The following DACH1 variants were observed in gnomAD, a reference collection of about 807,000 sequenced individuals.
The protein encoded by DACH1 is dachshund homolog 1.
DACH1 carries 12 observed loss-of-function variants against 54.2 expected under a neutral mutation model. The ratio of observed to expected loss-of-function variants is 0.22; its 90% CI spans 0.14 to 0.36. The LOEUF (loss-of-function observed/expected upper bound fraction) is 0.36. Among genes scored for constraint, DACH1 ranks in the 10% least tolerant of loss-of-function variants. The probability of loss-of-function intolerance (pLI) is 1.00; values close to 1 mark genes in which losing one functional copy is unlikely to be tolerated. For missense variants in DACH1, 805 were observed against 929.8 expected, an observed-to-expected ratio of 0.87 and a Z score of 1.75; for synonymous variants, 386 against 366.2, an observed-to-expected ratio of 1.05 and a Z score of -0.62.
chr13:71,738,225 A>G (rs1359188385), intron 1 of DACH1, among the ~76,000 whole-genome samples: 2 of 152,176 alleles, frequency 1.3e-5, no homozygotes, highest in Non-Finnish European at 2.9e-5. Flanking sequence ...CTCCACCAAT[A>G]GAGAGTAGCA....
chr13:71,566,334 T>C (rs1180333820), intron 4 of DACH1, among the ~76,000 whole-genome samples: 3 of 152,152 alleles, frequency 2.0e-5, no homozygotes, highest in African/African-American at 7.2e-5. Context: ...GCTTCTATAA[T>C]GAGCATAATG....
chr13:71,822,469 CT>C, intron 1 of DACH1, among the ~76,000 whole-genome samples: 1 of 152,124 alleles, frequency 6.6e-6, no homozygotes, highest in Admixed American at 6.5e-5. Context: ...TCTCATCATT[CT>C]TGTGTATCTC....
intron 1 of DACH1, among the ~76,000 whole-genome samples, chr13:71,795,851 A>G (rs1234446179): frequency 2.6e-5 from 4 of 152,320 alleles, no homozygotes; most frequent in African/African-American, 7.2e-5. Context: ...ATGCATGTAC[A>G]TAGCTTGGCG....
At chr13:71,745,163 GTCTC>G (rs1190061607) in intron 1 of DACH1, among the ~76,000 whole-genome samples, 1 of 151,946 alleles carries the variant, frequency 6.6e-6, no homozygotes, top group South Asian at 2.1e-4. Flanking sequence ...TTCAAAATAA[GTCTC>G]TCTGTCTACT....
chr13:71,522,575 T>C (rs1228759542), intron 6 of DACH1, among the ~76,000 whole-genome samples: 1 of 152,056 alleles, frequency 6.6e-6, no homozygotes, highest in Non-Finnish European at 1.5e-5. Flanking sequence ...AGTGCATACA[T>C]GTTGATTTCT....
chr13:71,834,900 A>G (rs1339942609), intron 1 of DACH1, among the ~76,000 whole-genome samples: 1 of 151,980 alleles, frequency 6.6e-6, no homozygotes, highest in Non-Finnish European at 1.5e-5. Context: ...TTGCATTTTT[A>G]CCTCTGCTTT....
intron 1 of DACH1, among the ~76,000 whole-genome samples, chr13:71,814,406 A>G (rs1887832786): frequency 6.6e-6 from 1 of 152,246 alleles, no homozygotes; most frequent in South Asian, 2.1e-4. Flanking sequence ...TGCTGCATGT[A>G]TAGTTGTAAC....
intron 6 of DACH1, among the ~76,000 whole-genome samples, chr13:71,529,327 T>C (rs1463896211): frequency 6.6e-6 from 1 of 151,632 alleles, no homozygotes; most frequent in Non-Finnish European, 1.5e-5. Flanking sequence ...GCTGGGACTG[T>C]GGGCGCTTGA....
intron 1 of DACH1, among the ~76,000 whole-genome samples, chr13:71,805,805 T>C (rs920924494): frequency 6.6e-6 from 1 of 152,058 alleles, no homozygotes; most frequent in Non-Finnish European, 1.5e-5. Context: ...TAATATTCAT[T>C]TGAATTCTTT....
chr13:71,497,859 GACACACAC>G (rs6145114), intron 6 of DACH1, among the ~76,000 whole-genome samples: 96,591 of 146,210 alleles, frequency 0.66, 33,346 homozygotes, highest in Non-Finnish European at 0.77. Context: ...AATATGTGTT[GACACACAC>G]ACACACACAC....
At chr13:71,625,136 C>A (rs1157095144) in intron 3 of DACH1, among the ~76,000 whole-genome samples, 1 of 151,912 alleles carries the variant, frequency 6.6e-6, no homozygotes, top group African/African-American at 2.4e-5. Flanking sequence ...TAACAGAAAC[C>A]AAATGACTAC....
chr13:71,560,928 T>C (rs1265803796), intron 4 of DACH1, among the ~76,000 whole-genome samples: 1 of 152,206 alleles, frequency 6.6e-6, no homozygotes, highest in Non-Finnish European at 1.5e-5. Context: ...TGTAGATGTA[T>C]AATGTACTTA....
At chr13:71,489,364 A>G (rs1232151680) in intron 6 of DACH1, among the ~76,000 whole-genome samples, 7 of 152,174 alleles carry the variant, frequency 4.6e-5, no homozygotes, top group Non-Finnish European at 1.0e-4. Flanking sequence ...TTTTAAATGC[A>G]GTCTCTAATG....
intron 1 of DACH1, among the ~76,000 whole-genome samples, chr13:71,778,133 A>T (rs895774434): frequency 6.7e-6 from 1 of 148,316 alleles, no homozygotes; most frequent in African/African-American, 2.6e-5. Context: ...TAAATAAATA[A>T]ATAAATAAAA....
At chr13:71,547,927 G>A (rs1253290477) in intron 6 of DACH1, among the ~76,000 whole-genome samples, 2 of 152,034 alleles carry the variant, frequency 1.3e-5, no homozygotes, top group Non-Finnish European at 2.9e-5. Flanking sequence ...AACAACAGGG[G>A]TGTTACTCTG....
At chr13:71,549,801 T>C (rs914445070) in intron 6 of DACH1, among the ~76,000 whole-genome samples, 3 of 152,272 alleles carry the variant, frequency 2.0e-5, no homozygotes, top group African/African-American at 2.4e-5. Flanking sequence ...TCTTGTTTGA[T>C]TTCTAACCCA....
At chr13:71,492,752 T>C (rs925802725) in intron 6 of DACH1, among the ~76,000 whole-genome samples, 2 of 151,840 alleles carry the variant, frequency 1.3e-5, no homozygotes, top group Admixed American at 6.6e-5. Context: ...AGTGTGTGTG[T>C]GTGTGTGTGA....
intron 3 of DACH1, among the ~76,000 whole-genome samples, chr13:71,594,931 T>C (rs907299582): frequency 2.0e-5 from 3 of 152,172 alleles, no homozygotes; most frequent in Non-Finnish European, 2.9e-5. Context: ...CTAGTAATTA[T>C]ATACTAGTTA....
intron 6 of DACH1, among the ~76,000 whole-genome samples, chr13:71,496,058 C>T (rs964231321): frequency 3.3e-5 from 5 of 151,502 alleles, no homozygotes; most frequent in African/African-American, 1.2e-4. Flanking sequence ...CATGGAGAAG[C>T]CCCATCTCTA....
Sources: allele counts gnomAD v4.1 joint callset (sites outside exome capture counted in the v4.1 genomes callset), GRCh38; gene constraint gnomAD v4.1.1; transcripts MANE v1.5; gene names NCBI Gene and HGNC (gene_info 2026-07-23, HGNC 2026-07-21).